The following TSPAN16 variants were observed in gnomAD, a reference collection of about 807,000 sequenced individuals.
The protein encoded by TSPAN16 is tetraspanin 16, also known as tetraspanin-16.
In TSPAN16, 23 loss-of-function variants were observed where a neutral mutation model predicts 25.2. The ratio of observed to expected loss-of-function variants is 0.91; its 90% CI spans 0.66 to 1.29. TSPAN16 has a LOEUF of 1.29. TSPAN16 is among the 50% of genes most tolerant of loss of function. TSPAN16 has a pLI of 0.00. For synonymous variants in TSPAN16, 123 were observed against 124.4 expected, an observed-to-expected ratio of 0.99 and a Z score of 0.08; for missense variants, 272 against 299.9, an observed-to-expected ratio of 0.91 and a Z score of 0.69.
intron 5 of TSPAN16, chr19:11,308,003 ATGAAAAG>A (rs1008928833): frequency 1.3e-5 from 2 of 152,150 alleles, no homozygotes; most frequent in Non-Finnish European, 2.9e-5. Context: ...AGCAATAACC[ATGAAAAG>A]TGATCATCCT....
chr19:11,301,105 C>T (rs1470943599), intron 3 of TSPAN16, 96 bp from the exon 4 acceptor site: 12 of 990,264 alleles, frequency 1.2e-5, no homozygotes, highest in Admixed American at 3.7e-5. Flanking sequence ...GCACGAGGGA[C>T]GCTCCCACCT....
chr19:11,296,836 A>C (rs1272020647), intron 1 of TSPAN16, among the ~76,000 whole-genome samples: 2 of 152,168 alleles, frequency 1.3e-5, no homozygotes, highest in African/African-American at 4.8e-5. Flanking sequence ...CAGGAGTTCA[A>C]GACCAGCCTT....
At chr19:11,315,534 C>T (rs1008633412) in intron 6 of TSPAN16, among the ~76,000 whole-genome samples, 7 of 150,022 alleles carry the variant, frequency 4.7e-5, no homozygotes, top group African/African-American at 1.7e-4. Flanking sequence ...CCAGCCTGGG[C>T]GACAGAGGGA....
rs562084116 is a variant in TSPAN16 at position 11,325,494 on chromosome 19, G to C, written c.688-1300G>C. 17 of 1,613,378 alleles carry C rather than the reference G, an allele frequency of 1.1e-5. No homozygotes were observed. Among genetic ancestry groups the C allele is most frequent in the African/African-American group, 1.3e-5 (1 of 74,926 alleles). Reference sequence around the variant, plus strand: ...AGCTGGAGCTGGGTTCCAGGGACTCGTTCATCTTCTCGCAGATGACATCCA... The same window carrying C: ...AGCTGGAGCTGGGTTCCAGGGACTCCTTCATCTTCTCGCAGATGACATCCA... On this transcript the variant is annotated intron_variant, in intron 6 of 6. Transcript: ENST00000316737.
intron 6 of TSPAN16, chr19:11,325,573 A>G (rs1599355486): frequency 6.2e-7 from 1 of 1,610,018 alleles, no homozygotes; most frequent in South Asian, 1.1e-5. Flanking sequence ...ACTGGCTTCA[A>G]AGAACTCGAA....
chr19:11,318,406 C>T (rs147492158), downstream of TSPAN16, among the ~76,000 whole-genome samples: 3 of 151,964 alleles, frequency 2.0e-5, no homozygotes, highest in African/African-American at 4.8e-5. Flanking sequence ...GTGATCTGCC[C>T]GCCTCAGCCT....
At chr19:11,316,086 GGTGTGTGTGTGT>G (rs147500274), downstream of TSPAN16, 12 of 257,560 alleles carry the variant, frequency 4.7e-5, no homozygotes, top group African/African-American at 2.1e-4. Context: ...AATTATTCTT[GGTGTGTGTGTGT>G]GTGTGTGTGT....
At chr19:11,306,094 C>G (rs1029640890) in intron 4 of TSPAN16, among the ~76,000 whole-genome samples, 1 of 152,166 alleles carries the variant, frequency 6.6e-6, no homozygotes, top group African/African-American at 2.4e-5. Context: ...GTGGCATAAA[C>G]CTGTCTCTAC....
At chr19:11,305,392 T>C (rs1252932607) in intron 4 of TSPAN16, among the ~76,000 whole-genome samples, 2 of 151,576 alleles carry the variant, frequency 1.3e-5, no homozygotes, top group Non-Finnish European at 2.9e-5. Context: ...TAGCCGGGCA[T>C]GGTGGTGCAT....
At chr19:11,299,713 GC>G (rs1257961193) in intron 3 of TSPAN16, among the ~76,000 whole-genome samples, 1 of 152,114 alleles carries the variant, frequency 6.6e-6, no homozygotes, top group Non-Finnish European at 1.5e-5. Flanking sequence ...GGTGGCTCAC[GC>G]CTATAATCCC....
chr19:11,309,102 GGGAGGCTGAGGCA>G (rs2080661797), intron 5 of TSPAN16, among the ~76,000 whole-genome samples: 1 of 152,074 alleles, frequency 6.6e-6, no homozygotes, highest in Non-Finnish European at 1.5e-5. Context: ...CCAGCTAACT[GGGAGGCTGAGGCA>G]GGAGGATCGA....
chr19:11,302,865 C>T (rs1026315336), intron 4 of TSPAN16, among the ~76,000 whole-genome samples: 81 of 150,636 alleles, frequency 5.4e-4, no homozygotes, highest in African/African-American at 1.9e-3. Flanking sequence ...ACTGCAGGTT[C>T]GTGCCACCAT....
intron 6 of TSPAN16, chr19:11,325,158 C>G (rs971258979): frequency 8.4e-6 from 4 of 473,428 alleles, no homozygotes; most frequent in African/African-American, 5.8e-5. Context: ...GTCAGTGTCC[C>G]TGGGCCTCTG....
chr19:11,312,456 A>C (rs1452187174), intron 6 of TSPAN16: 4 of 361,096 alleles, frequency 1.1e-5, no homozygotes, highest in African/African-American at 6.2e-5. Flanking sequence ...CCAAAATTTG[A>C]TTCTTTGAAA....
intron 6 of TSPAN16, chr19:11,325,212 C>T (rs987501174): frequency 4.5e-5 from 25 of 556,882 alleles, no homozygotes; most frequent in East Asian, 2.7e-4. Flanking sequence ...AGCCTCCCAC[C>T]GGGGCTGCCT....
intron 3 of TSPAN16, 138 bp downstream of exon 3, chr19:11,299,084 A>T: frequency 1.3e-6 from 1 of 798,394 alleles, no homozygotes; most frequent in Non-Finnish European, 2.0e-6. Context: ...GTTTGAGACC[A>T]GCCTGGCCAA....
downstream of TSPAN16, among the ~76,000 whole-genome samples, chr19:11,316,831 A>G (rs1227415389): frequency 7.3e-6 from 1 of 137,042 alleles, no homozygotes; most frequent in Non-Finnish European, 1.5e-5. Context: ...TTTTTTTAAG[A>G]TGGAGTCTTG....
chr19:11,313,792 T>C (rs2080718431), intron 6 of TSPAN16, among the ~76,000 whole-genome samples: 1 of 152,158 alleles, frequency 6.6e-6, no homozygotes, highest in South Asian at 2.1e-4. Flanking sequence ...TGTAAAATGG[T>C]GAAGCCATTT....
At position 11,298,893 on chromosome 19, in the gene TSPAN16, GTCC is replaced by G; in HGVS notation, c.292_294del (p.Leu98del). The G allele has an allele frequency of 6.2e-7, 1 of 1,614,046 alleles. No individual in the cohort carries two copies. The highest frequency in any genetic ancestry group is 8.5e-7 in the Non-Finnish European group (1 of 1,179,996). On this transcript the variant is annotated inframe_deletion, in exon 3 of 7. Transcript: ENST00000590327. Reference sequence around the variant, plus strand: ...TTAGTGCATCCTGTCAATGGTTATTGTCCTCATCATGGAAGTTACAGCTGCCAC... The same window carrying G: ...TTAGTGCATCCTGTCAATGGTTATTGTCATCATGGAAGTTACAGCTGCCAC...
Sources: gnomAD v4.1 joint callset for allele counts (sites outside exome capture counted in the v4.1 genomes callset) on GRCh38, gnomAD v4.1.1 for gene constraint, MANE v1.5 for transcripts, NCBI Gene and HGNC (gene_info 2026-07-23, HGNC 2026-07-21) for gene names.